MGMT: variants seen among roughly 807,000 people sequenced by gnomAD.
MGMT encodes the protein methylated-DNA--protein-cysteine methyltransferase.
MGMT carries 14 observed loss-of-function variants against 15.9 expected under a neutral mutation model. That is an observed-to-expected ratio of 0.88 (90% confidence interval 0.58 to 1.37). The LOEUF is 1.37. Among genes scored for constraint, MGMT ranks in the 40% most tolerant of loss-of-function variants. MGMT has a pLI of 0.00. For missense variants in MGMT, 282 were observed against 268.1 expected, an observed-to-expected ratio of 1.05 and a Z score of -0.36; for synonymous variants, 130 against 118.2, an observed-to-expected ratio of 1.10 and a Z score of -0.65.
At chr10:129,574,788 C>T (rs1303073520) in intron 2 of MGMT, among the ~76,000 whole-genome samples, 1 of 152,166 alleles carries the variant, frequency 6.6e-6, no homozygotes, top group Non-Finnish European at 1.5e-5. Context: ...CAACTATTTT[C>T]CCTAAGTTTC....
At chr10:129,685,605 C>T (rs192442915) in intron 2 of MGMT, among the ~76,000 whole-genome samples, 21 of 152,328 alleles carry the variant, frequency 1.4e-4, no homozygotes, top group African/African-American at 5.1e-4. Context: ...CTAAATGATA[C>T]ATAACAGGAA....
chr10:129,770,351 G>A lies in MGMT; in HGVS notation c.*3354G>A, dbSNP rs1197824001. On this transcript the variant is annotated 3_prime_UTR_variant, in exon 5 of 5. Transcript: ENST00000651593. ...GCCCTGTGGAGTGGCGGACTCTGGG[G>A]AGTAGCTGGTCAGTGAGATTCTCGC... 6.6e-6 allele frequency among the ~76,000 whole-genome samples: 1 copy of A among 152,232 alleles called. No homozygotes were observed. The highest frequency in any genetic ancestry group is 1.5e-5 in the Non-Finnish European group (1 of 68,044).
intron 2 of MGMT, among the ~76,000 whole-genome samples, chr10:129,578,234 G>C (rs1025336797): frequency 6.6e-6 from 1 of 152,056 alleles, no homozygotes; most frequent in Non-Finnish European, 1.5e-5. Context: ...ACATGTACAC[G>C]TATGTTTATT....
In MGMT at chr10:129,681,312, T is replaced by A. The variant is rs949286253; in HGVS notation, c.126-26583T>A. 3.9e-5 allele frequency among the ~76,000 whole-genome samples: 6 copies of A among 152,182 alleles called. 1 individual carries two copies. The South Asian group carries it at 8.3e-4, about 21-fold the overall frequency. ...ATATATAGTGTATTTCTCATGTGAA[T>A]CACGTTTTCCTTAGTATGGCTCAGC... is the stretch of plus-strand genomic sequence containing the variant. On this transcript the variant is annotated intron_variant, in intron 2 of 4. Coordinates refer to ENST00000651593, the MANE Select transcript of MGMT (RefSeq NM_002412.5).
chr10:129,679,031 C>T (rs1012693428), intron 2 of MGMT, among the ~76,000 whole-genome samples: 5 of 151,234 alleles, frequency 3.3e-5, no homozygotes, highest in African/African-American at 1.2e-4. Context: ...CAAGATCATG[C>T]CATTGCTCTC....
chr10:129,547,022 G>T lies in MGMT; in HGVS notation c.125+10645G>T, dbSNP rs539974271. 3.3e-5 allele frequency among the ~76,000 whole-genome samples: 5 copies of T among 152,268 alleles called. No individual in the cohort carries two copies. In the South Asian group the frequency reaches 1.0e-3, roughly 32 times the overall value. On this transcript the variant is annotated intron_variant, in intron 2 of 4. Coordinates refer to ENST00000651593, the MANE Select transcript of MGMT (RefSeq NM_002412.5). ...TCTTGGAGCTCTGTGTCAGGGTTGG[G>T]GTGGACAGGAGGGAGAGAATATCCT...
chr10:129,646,937 C>T (rs1400088603), intron 2 of MGMT, among the ~76,000 whole-genome samples: 1 of 151,288 alleles, frequency 6.6e-6, no homozygotes, highest in African/African-American at 2.4e-5. Flanking sequence ...CCTCTTTCCC[C>T]TCTGGCCCGT....
intron 2 of MGMT, among the ~76,000 whole-genome samples, chr10:129,640,189 C>G (rs1227656444): frequency 6.6e-6 from 1 of 151,822 alleles, no homozygotes; most frequent in Non-Finnish European, 1.5e-5. Flanking sequence ...CCTTCTCCTC[C>G]CGGGTTCAAG....
At chr10:129,543,191 A>T (rs1283873062) in intron 2 of MGMT, among the ~76,000 whole-genome samples, 1 of 152,166 alleles carries the variant, frequency 6.6e-6, no homozygotes, top group Admixed American at 6.5e-5. Context: ...GTAGCCCGTG[A>T]TGGTGGCAGC....
chr10:129,765,852 A>G lies in MGMT; in HGVS notation c.415-936A>G, dbSNP rs1487506583. The stretch of plus-strand genomic sequence containing the variant: ...GGAGGAGGCCAGCACCTACATGGAA[A>G]CCAGAGGCAGGGGCCACAGCACCTG... On this transcript the variant is annotated intron_variant, in intron 4 of 4. Transcript: ENST00000651593. Among the ~76,000 whole-genome samples the G allele has an allele frequency of 2.6e-5, 4 of 152,026 alleles. No individual in the cohort carries two copies. The East Asian group carries it at 7.8e-4, about 30-fold the overall frequency.
rs923172701 is a variant in MGMT, at chr10:129,702,754, C to T, written c.126-5141C>T. Among the ~76,000 whole-genome samples, 9 of 152,160 alleles carry T rather than the reference C, an allele frequency of 5.9e-5. 1 individual carries two copies. The highest frequency in any genetic ancestry group is 1.2e-4 in the Non-Finnish European group (8 of 68,028). On this transcript the variant is annotated intron_variant, in intron 2 of 4. Coordinates refer to ENST00000651593, the MANE Select transcript of MGMT (RefSeq NM_002412.5). The stretch of plus-strand genomic sequence containing the variant: ...AGGTGCTCCCCCGGCAAGGATGGGG[C>T]GGACCACAGGGCCGGCATTTCAGTG...
At chr10:129,599,041 G>A (rs1475567262) in intron 2 of MGMT, among the ~76,000 whole-genome samples, 10 of 152,162 alleles carry the variant, frequency 6.6e-5, no homozygotes, top group Admixed American at 6.5e-4. Context: ...AAGCTGAATT[G>A]AATTTAAAGG....
At chr10:129,518,543 C>T (rs1589846262) in intron 1 of MGMT, among the ~76,000 whole-genome samples, 2 of 87,438 alleles carry the variant, frequency 2.3e-5, no homozygotes, top group African/African-American at 1.0e-4. Flanking sequence ...CCTCCCTTCC[C>T]CCTCCCCCTC....
At chr10:129,758,316 C>T (rs1457468849) in intron 3 of MGMT, among the ~76,000 whole-genome samples, 2 of 152,170 alleles carry the variant, frequency 1.3e-5, no homozygotes, top group Admixed American at 6.5e-5. Flanking sequence ...TTTGTTGCTG[C>T]TATTCAGAAA....
intron 2 of MGMT, among the ~76,000 whole-genome samples, chr10:129,636,668 T>C (rs1286027268): frequency 6.6e-6 from 1 of 152,232 alleles, no homozygotes; most frequent in African/African-American, 2.4e-5. Flanking sequence ...TATAGATTGT[T>C]TTGTGGATAC....
Position 129,656,858 on chromosome 10 carries a change from A to G in MGMT, c.126-51037A>G, listed in dbSNP as rs536186263. On this transcript the variant is annotated intron_variant, in intron 2 of 4. Transcript: ENST00000651593. ...TTTCCAGCTTGACTTTCCCCTTTAG[A>G]TTAGTAATTTGGGGGCCCCAAGGTT... Among the ~76,000 whole-genome samples the G allele has an allele frequency of 6.6e-5, 10 of 152,186 alleles. No homozygotes were observed. The South Asian group carries it at 1.9e-3, about 28-fold the overall frequency.
chr10:129,738,542 A>G (rs1167627378), intron 3 of MGMT, among the ~76,000 whole-genome samples: 1 of 152,212 alleles, frequency 6.6e-6, no homozygotes, highest in Admixed American at 6.5e-5. Flanking sequence ...GGAGCTGTAG[A>G]CCAGAGCTGT....
chr10:129,674,181 A>G (rs943210458), intron 2 of MGMT, among the ~76,000 whole-genome samples: 3 of 152,210 alleles, frequency 2.0e-5, no homozygotes. Flanking sequence ...AAAGTCATAC[A>G]ATTAGAAACC....
chr10:129,716,067 C>T (rs1178340438), intron 3 of MGMT, among the ~76,000 whole-genome samples: 2 of 152,204 alleles, frequency 1.3e-5, no homozygotes, highest in Non-Finnish European at 2.9e-5. Flanking sequence ...TCAGCCGGAA[C>T]GTCTCCAGCT....
Sources: allele counts gnomAD v4.1 joint callset (sites outside exome capture counted in the v4.1 genomes callset), GRCh38; gene constraint gnomAD v4.1.1; transcripts MANE v1.5; gene names NCBI Gene and HGNC (gene_info 2026-07-23, HGNC 2026-07-21).